CACNA1E: variants seen among roughly 807,000 people sequenced by gnomAD.
CACNA1E encodes calcium voltage-gated channel subunit alpha1 E.
In CACNA1E, 40 loss-of-function variants were observed where a neutral mutation model predicts 259.2. The ratio of observed to expected loss-of-function variants is 0.15; its 90% confidence interval spans 0.12 to 0.20. CACNA1E has a LOEUF of 0.20. CACNA1E is among the 10% of genes least tolerant of loss of function. The pLI is 1.00. For missense variants in CACNA1E, 1,874 were observed against 3,040.1 expected, an observed-to-expected ratio of 0.62 and a Z score of 9.02; for synonymous variants, 1,104 against 1,138.5, an observed-to-expected ratio of 0.97 and a Z score of 0.61.
intron 3 of CACNA1E, among the ~76,000 whole-genome samples, chr1:181,574,135 G>A (rs1175350326): frequency 6.6e-6 from 1 of 152,192 alleles, no homozygotes; most frequent in Non-Finnish European, 1.5e-5. Context: ...ACGGGTAAGT[G>A]TGGGGAGAGG....
In CACNA1E at chr1:181,732,287, C is replaced by T. The variant is rs2280865; in HGVS notation, c.2298-97C>T. The T allele has an allele frequency of 0.55, 782,993 of 1,416,560 alleles. 226,493 individuals are homozygous for T. Among genetic ancestry groups the T allele is most frequent in the East Asian group, 0.74 (28,024 of 37,650 alleles). 87.7% of individuals were successfully genotyped at this position (1,416,560 alleles called of 1,614,324 possible). On this transcript the variant is annotated intron_variant, in intron 19 of 47. Transcript: ENST00000367573. The surrounding 1 kb of genome is among the most constrained non-coding windows in gnomAD (Gnocchi z 5.5). ...GGTCCTGGGCACTCCCATTTGCCCC[C>T]ACCATGTGTCCTGCCCTCTCACATG... is the stretch of plus-strand genomic sequence containing the variant.
intron 1 of CACNA1E, among the ~76,000 whole-genome samples, chr1:181,321,764 G>A (rs1379848324): frequency 1.3e-5 from 2 of 152,202 alleles, no homozygotes; most frequent in African/African-American, 2.4e-5. Flanking sequence ...ATTGGGTCAG[G>A]ATAGGGTAGT....
chr1:181,737,555 C>A lies in CACNA1E; in HGVS notation c.3453C>A (p.Asn1151Lys). Reference sequence around the variant, plus strand: ...GGAGGGCCTGCCACTACATCGTGAACCTGCGCTACTTTGAGATGTGCATCC... The same window carrying A: ...GGAGGGCCTGCCACTACATCGTGAAACTGCGCTACTTTGAGATGTGCATCC... ...PIRRACHYIV[N>K]LRYFEMCILL... is the part of the protein sequence containing the mutation. The change falls in exon 23 of 48, where the codon AAC (asparagine) becomes AAA (lysine). Residue 1151 changes from asparagine to lysine, a missense_variant. Physicochemically the swap from Asn to Lys is moderately conservative, Grantham distance 94 (BLOSUM62 0). Transcript: ENST00000367573. The A allele has an allele frequency of 6.2e-7, 1 of 1,613,988 alleles. No homozygotes were observed. The highest frequency in any genetic ancestry group is 8.5e-7 in the Non-Finnish European group (1 of 1,179,882).
chr1:181,726,190 C>T (rs781229575), intron 18 of CACNA1E, 28 bp downstream of exon 18: 6 of 1,502,276 alleles, frequency 4.0e-6, no homozygotes, highest in South Asian at 2.3e-5. Context: ...TTCACTGATC[C>T]CTGAGCTCCT....
upstream of CACNA1E, among the ~76,000 whole-genome samples, chr1:181,481,781 T>TG (rs1663267120): frequency 6.6e-6 from 1 of 151,206 alleles, no homozygotes; most frequent in Non-Finnish European, 1.5e-5. Flanking sequence ...GCTCTTTCCC[T>TG]GGGGCTTGGA....
At chr1:181,672,945 C>T (rs533160601) in intron 7 of CACNA1E, among the ~76,000 whole-genome samples, 4 of 152,176 alleles carry the variant, frequency 2.6e-5, no homozygotes, top group South Asian at 2.1e-4. Flanking sequence ...AACTAGCTCA[C>T]GTATGGGGTT....
chr1:181,410,375 C>T (rs147371137), intron 1 of CACNA1E, among the ~76,000 whole-genome samples: 12 of 152,272 alleles, frequency 7.9e-5, no homozygotes, highest in East Asian at 3.9e-4. Context: ...GGCCAAGTAC[C>T]GAGTGTTGGC....
rs77439656 is a variant in CACNA1E at position 181,755,413 on chromosome 1, G to T, written c.3989+16G>T. The stretch of plus-strand genomic sequence containing the variant: ...AGGAGTGCATGTAAGTGCCACCAGC[G>T]CATTCCACTTGATTTTGCTGAAGCA... On this transcript the variant is annotated intron_variant, in intron 28 of 47. Transcript: ENST00000367573. The T allele has an allele frequency of 1.9e-6, 3 of 1,608,890 alleles. No homozygotes were observed. The highest frequency in any genetic ancestry group is 1.1e-5 in the South Asian group (1 of 90,552).
chr1:181,565,600 G>A (rs192744955), intron 3 of CACNA1E, among the ~76,000 whole-genome samples: 234 of 152,340 alleles, frequency 1.5e-3, no homozygotes, highest in African/African-American at 5.0e-3. Context: ...GTAGTGCCAT[G>A]TAAGAGCACT....
At chr1:181,569,710 G>A (rs1019658924) in intron 3 of CACNA1E, among the ~76,000 whole-genome samples, 3 of 152,188 alleles carry the variant, frequency 2.0e-5, no homozygotes, top group African/African-American at 7.2e-5. Context: ...CTGTGGATGA[G>A]TCCAACTAAT....
chr1:181,547,649 C>G (rs912904840), intron 3 of CACNA1E, among the ~76,000 whole-genome samples: 2 of 152,238 alleles, frequency 1.3e-5, no homozygotes, highest in Non-Finnish European at 2.9e-5. Flanking sequence ...AGCATTCTCG[C>G]CCACAGCTGA....
intron 1 of CACNA1E, among the ~76,000 whole-genome samples, chr1:181,500,429 T>C (rs751864940): frequency 3.9e-5 from 6 of 152,054 alleles, no homozygotes; most frequent in Non-Finnish European, 8.8e-5. Flanking sequence ...ATGGAGAGAG[T>C]ATTTATACCC....
chr1:181,618,099 G>A (rs549421400), intron 6 of CACNA1E, among the ~76,000 whole-genome samples: 1 of 152,304 alleles, frequency 6.6e-6, no homozygotes, highest in African/African-American at 2.4e-5. Context: ...TGTTTTGAAT[G>A]TTACAGATGA....
intron 1 of CACNA1E, among the ~76,000 whole-genome samples, chr1:181,507,064 AT>A: frequency 1.3e-5 from 2 of 152,018 alleles, no homozygotes; most frequent in South Asian, 4.1e-4. Flanking sequence ...AAAAAAAAAT[AT>A]TTTTAAGCCA....
chr1:181,353,928 G>A (rs888954401), intron 1 of CACNA1E, among the ~76,000 whole-genome samples: 2 of 152,200 alleles, frequency 1.3e-5, no homozygotes, highest in Admixed American at 1.3e-4. Context: ...ATAATTATTT[G>A]CTATGTACCT....
chr1:181,683,041 T>G (rs911215503), intron 7 of CACNA1E, among the ~76,000 whole-genome samples: 1 of 152,208 alleles, frequency 6.6e-6, no homozygotes, highest in Non-Finnish European at 1.5e-5. Flanking sequence ...GTTCCTTCCA[T>G]AGAATTGGAG....
Position 181,790,445 on chromosome 1 carries a change from G to T in CACNA1E, c.5787G>T (p.Leu1929=). 6.2e-7 allele frequency: 1 copy of T among 1,602,274 alleles called. No homozygotes were observed. The highest frequency in any genetic ancestry group is 1.1e-5 in the South Asian group (1 of 90,846). ...CTCTGGATTTGACATTGCTTTTCAG[G>T]AGTGGCCGGAGTGGATACCCTTCGA... ...PYLQQDPVSG[L]SGRSGYPSMS... Residue 1929 remains leucine, a splice_region_variant and synonymous_variant, in exon 44 of 48, where the codon CTG becomes CTT. Coordinates refer to ENST00000367573, the MANE Select transcript of CACNA1E (RefSeq NM_001205293.3).
chr1:181,579,362 C>T, intron 5 of CACNA1E, 138 bp downstream of exon 5: 1 of 702,600 alleles, frequency 1.4e-6, no homozygotes. Context: ...TTCTAGTCAG[C>T]AGCCTTTTGA....
At chr1:181,618,290 C>T (rs185478672) in intron 6 of CACNA1E, among the ~76,000 whole-genome samples, 2 of 152,244 alleles carry the variant, frequency 1.3e-5, no homozygotes, top group South Asian at 2.1e-4. Flanking sequence ...CTGGGCTGGG[C>T]GTGGTGACTC....
Sources: gnomAD v4.1 joint callset for allele counts (sites outside exome capture counted in the v4.1 genomes callset) on GRCh38, gnomAD v4.1.1 for gene constraint, Gnocchi (gnomAD v3.1) non-coding constraint, MANE v1.5 for transcripts, NCBI Gene and HGNC (gene_info 2026-07-23, HGNC 2026-07-21) for gene names.